The following INTS9 variants were observed in gnomAD, a reference collection of about 807,000 sequenced individuals.
INTS9 encodes protein related to CPSF subunits of 74 kDa.
A neutral mutation model predicts 79.7 loss-of-function variants in INTS9; 55 were observed. The observed-to-expected ratio is 0.69, with a 90% confidence interval of 0.56 to 0.86. INTS9 has a LOEUF of 0.86. Ranked by LOEUF, INTS9 falls within the 40% of genes least tolerant of loss-of-function variation. The probability of loss-of-function intolerance (pLI) is 0.00; values close to 1 mark genes in which losing one functional copy is unlikely to be tolerated. For synonymous variants in INTS9, 319 were observed against 325.2 expected, an observed-to-expected ratio of 0.98 and a Z score of 0.20; for missense variants, 721 against 831.5, an observed-to-expected ratio of 0.87 and a Z score of 1.64.
rs546538336 is a variant in INTS9 at position 28,823,623 on chromosome 8, G to A, written c.489-10011C>T. Reference sequence around the variant, plus strand: ...TGTTTTATGTCAGTTTAATTCTTAGGCACAACTGGACACCCTAAGAGGGTA... The same window carrying A: ...TGTTTTATGTCAGTTTAATTCTTAGACACAACTGGACACCCTAAGAGGGTA... On this transcript the variant is annotated intron_variant, in intron 6 of 16. Transcript: ENST00000521022. 3.9e-5 allele frequency among the ~76,000 whole-genome samples: 6 copies of A among 152,198 alleles called. No homozygotes were observed. In the South Asian group the frequency reaches 1.2e-3, roughly 32 times the overall value.
At chr8:28,798,016 G>A (rs911227296) in intron 8 of INTS9, 10 of 152,166 alleles carry the variant, frequency 6.6e-5, no homozygotes, top group Admixed American at 2.6e-4. Flanking sequence ...TACGTTATAA[G>A]CGGCTTTATA....
At position 28,778,454 on chromosome 8, in the gene INTS9, G is replaced by A. The variant is rs28492046; in HGVS notation, c.1271-501C>T. ...AGTGGAGAGGCCTGGTACAGACCCG[G>A]GAACCTAGAATCAGCTCTGAGTTAA... On this transcript the variant is annotated intron_variant, in intron 12 of 16. Coordinates refer to ENST00000521022, the MANE Select transcript of INTS9 (RefSeq NM_018250.4). 6.5e-3 allele frequency among the ~76,000 whole-genome samples: 986 copies of A among 152,292 alleles called. 12 individuals carry two copies. Among genetic ancestry groups the A allele is most frequent in the African/African-American group, 0.021 (879 of 41,550 alleles).
In INTS9 at chr8:28,849,492, GT is replaced by G. The variant is rs538880638; in HGVS notation, c.198+720del. ...CTCCATATCCCAGAGTCCTAGAACT[GT>G]TTTTTTTTTTTAATCATCTATAAAG... On this transcript the variant is annotated intron_variant, in intron 3 of 16. Coordinates refer to ENST00000521022, the MANE Select transcript of INTS9 (RefSeq NM_018250.4). Among the ~76,000 whole-genome samples, 127 of 145,262 alleles carry G rather than the reference GT, an allele frequency of 8.7e-4. 1 individual carries two copies. The highest frequency in any genetic ancestry group is 3.6e-3 in the Middle Eastern group (1 of 278).
chr8:28,806,092 C>G (rs1051051104), intron 8 of INTS9, among the ~76,000 whole-genome samples: 2 of 151,744 alleles, frequency 1.3e-5, no homozygotes, highest in Non-Finnish European at 2.9e-5. Context: ...TAGCCAGGCA[C>G]GGTGACATGT....
At chr8:28,883,217 T>C (rs144341930) in intron 1 of INTS9, among the ~76,000 whole-genome samples, 1 of 152,362 alleles carries the variant, frequency 6.6e-6, no homozygotes, top group East Asian at 1.9e-4. Context: ...TCTTAATTCC[T>C]ACATCTATGC....
chr8:28,841,469 C>T (rs922742825), intron 4 of INTS9, among the ~76,000 whole-genome samples: 1 of 152,086 alleles, frequency 6.6e-6, no homozygotes, highest in Admixed American at 6.5e-5. Flanking sequence ...AAGAACCAGC[C>T]CACAGAGTCT....
At chr8:28,822,967 A>G (rs1487212323) in intron 6 of INTS9, among the ~76,000 whole-genome samples, 2 of 152,162 alleles carry the variant, frequency 1.3e-5, no homozygotes, top group Non-Finnish European at 2.9e-5. Flanking sequence ...AGTAAACAAG[A>G]AAAAGGAAGA....
At chr8:28,864,518 A>T (rs144664185) in intron 1 of INTS9, among the ~76,000 whole-genome samples, 2 of 152,392 alleles carry the variant, frequency 1.3e-5, no homozygotes, top group African/African-American at 4.8e-5. Context: ...TGACTCTAAA[A>T]TATGATTAAA....
intron 1 of INTS9, among the ~76,000 whole-genome samples, chr8:28,882,873 C>T (rs1333822240): frequency 1.3e-5 from 2 of 152,086 alleles, no homozygotes; most frequent in East Asian, 1.9e-4. Context: ...AAATCAGGGG[C>T]CATTTAAACC....
intron 6 of INTS9, among the ~76,000 whole-genome samples, chr8:28,823,064 GA>G (rs1805938487): frequency 6.6e-6 from 1 of 152,202 alleles, no homozygotes; most frequent in Non-Finnish European, 1.5e-5. Flanking sequence ...TTGGGCCCAA[GA>G]CAGCTGACAT....
intron 1 of INTS9, among the ~76,000 whole-genome samples, chr8:28,883,795 C>T (rs1177605856): frequency 6.6e-6 from 1 of 152,098 alleles, no homozygotes; most frequent in African/African-American, 2.4e-5. Context: ...AGCAGGTGTT[C>T]AGAAGATTTG....
chr8:28,870,333 T>TTA (rs397829646), intron 1 of INTS9, among the ~76,000 whole-genome samples: 5 of 147,146 alleles, frequency 3.4e-5, no homozygotes, highest in African/African-American at 1.0e-4. Context: ...TTTTTTTTTT[T>TTA]AGAATCAGAA....
intron 4 of INTS9, among the ~76,000 whole-genome samples, chr8:28,843,685 G>A (rs914457033): frequency 6.6e-6 from 1 of 151,576 alleles, no homozygotes; most frequent in African/African-American, 2.4e-5. Flanking sequence ...TAGCTACAGT[G>A]ACAGCTTCAT....
At chr8:28,802,874 C>G (rs910674848) in intron 8 of INTS9, among the ~76,000 whole-genome samples, 1 of 150,702 alleles carries the variant, frequency 6.6e-6, no homozygotes, top group Admixed American at 6.6e-5. Context: ...CTTTGGGAGG[C>G]TGAGATGGGT....
chr8:28,813,264 C>T (rs1805262855), intron 7 of INTS9, among the ~76,000 whole-genome samples: 1 of 152,126 alleles, frequency 6.6e-6, no homozygotes. Context: ...ACGCCTTTCT[C>T]CGGACTCCCT....
chr8:28,805,216 G>A (rs553179289), intron 8 of INTS9, among the ~76,000 whole-genome samples: 1 of 152,252 alleles, frequency 6.6e-6, no homozygotes, highest in East Asian at 1.9e-4. Flanking sequence ...ATAATGGAAC[G>A]CAAATCTAAA....
intron 13 of INTS9, among the ~76,000 whole-genome samples, chr8:28,776,423 CAG>C (rs1333193087): frequency 2.1e-5 from 2 of 95,466 alleles, no homozygotes; most frequent in African/African-American, 8.5e-5. Flanking sequence ...GGAGCAGAGG[CAG>C]AGTTTTTTTT....
At chr8:28,850,108 A>G in intron 3 of INTS9, 105 bp downstream of exon 3, 1 of 755,452 alleles carries the variant, frequency 1.3e-6, no homozygotes, top group Non-Finnish European at 2.1e-6. Flanking sequence ...CAGAGAGGAA[A>G]AAAAAAAAAA....
chr8:28,864,099 C>T (rs1206373428), intron 1 of INTS9, among the ~76,000 whole-genome samples: 1 of 152,136 alleles, frequency 6.6e-6, no homozygotes, highest in African/African-American at 2.4e-5. Flanking sequence ...TCCCAGCACA[C>T]TGGGAGGTCA....
Sources: gnomAD v4.1 joint callset for allele counts (sites outside exome capture counted in the v4.1 genomes callset) on GRCh38, gnomAD v4.1.1 for gene constraint, MANE v1.5 for transcripts, NCBI Gene and HGNC (gene_info 2026-07-23, HGNC 2026-07-21) for gene names.